LCMT1: variants seen among roughly 807,000 people sequenced by gnomAD.
The protein encoded by LCMT1 is [Phosphatase 2A protein]-leucine-carboxy methyltransferase 1.
In LCMT1, 32 loss-of-function variants were observed where a neutral mutation model predicts 47.7. The observed-to-expected ratio is 0.67, with a 90% CI of 0.51 to 0.90. The LOEUF (loss-of-function observed/expected upper bound fraction) is 0.90. Among genes scored for constraint, LCMT1 ranks in the 40% least tolerant of loss-of-function variants. LCMT1 has a pLI of 0.00. For missense variants in LCMT1, 375 were observed against 415.2 expected (o/e 0.90, Z 0.84); for synonymous variants, 152 against 149.7 (o/e 1.02, Z -0.11).
At chr16:25,174,029 A>G (rs967689648) in intron 9 of LCMT1, among the ~76,000 whole-genome samples, 2 of 152,180 alleles carry the variant, frequency 1.3e-5, no homozygotes, top group African/African-American at 4.8e-5. Context: ...CTCCTGCCTC[A>G]GCCTCCCAAA....
intron 1 of LCMT1, among the ~76,000 whole-genome samples, chr16:25,119,759 C>T (rs547991422): frequency 7.5e-4 from 114 of 152,146 alleles, no homozygotes; most frequent in Middle Eastern, 3.4e-3. Context: ...AGAGTAAGGT[C>T]GAGATTGTGA....
In LCMT1 at chr16:25,170,794, T is replaced by C; in HGVS notation, c.873T>C (p.Ala291=). Residue 291 remains alanine (A), a synonymous_variant, in exon 9 of 11, where the codon GCT becomes GCC. Coordinates refer to ENST00000399069, the MANE Select transcript of LCMT1 (RefSeq NM_016309.3). The stretch of plus-strand genomic sequence containing the variant: ...AGTTGTACAACAGGTTACCTCGAGC[T>C]GAAGTGAGCAGGTATGGGGTTGGTG... The part of the protein sequence containing the change: ...MMELYNRLPR[A]EVSRIESLEF... 1.2e-6 allele frequency: 2 copies of C among 1,611,054 alleles called. No individual in the cohort carries two copies. Among genetic ancestry groups the C allele is most frequent in the Non-Finnish European group, 1.7e-6 (2 of 1,177,806 alleles).
At chr16:25,114,885 T>C (rs1201246000) in intron 1 of LCMT1, among the ~76,000 whole-genome samples, 2 of 152,182 alleles carry the variant, frequency 1.3e-5, no homozygotes, top group Non-Finnish European at 2.9e-5. Context: ...CTGATTGCTG[T>C]TGTTCAGCTC....
At chr16:25,164,480 A>T in intron 6 of LCMT1, 118 bp from the exon 7 acceptor site, 1 of 1,185,244 alleles carries the variant, frequency 8.4e-7, no homozygotes, top group Non-Finnish European at 1.2e-6. Context: ...GTGCTTGCTC[A>T]GGCCTTCTGA....
At chr16:25,160,731 A>G in intron 5 of LCMT1, 1 of 521,622 alleles carries the variant, frequency 1.9e-6, no homozygotes, top group Non-Finnish European at 3.8e-6. Context: ...AAATCATTAT[A>G]CAGAAGGATG....
At chr16:25,138,894 C>T (rs573182686) in intron 3 of LCMT1, among the ~76,000 whole-genome samples, 40 of 152,266 alleles carry the variant, frequency 2.6e-4, no homozygotes, top group African/African-American at 8.4e-4. Flanking sequence ...TTAATCTTCA[C>T]AACCCCATAA....
chr16:25,118,110 A>G (rs566226025), intron 1 of LCMT1, among the ~76,000 whole-genome samples: 1 of 152,214 alleles, frequency 6.6e-6, no homozygotes, highest in Admixed American at 6.5e-5. Flanking sequence ...CTGAAGCCAG[A>G]GGTTTGTAAA....
chr16:25,120,733 T>G (rs2141628853), intron 1 of LCMT1, among the ~76,000 whole-genome samples: 1 of 147,854 alleles, frequency 6.8e-6, no homozygotes, highest in Admixed American at 6.7e-5. Context: ...CTGGCCTTGT[T>G]TTTTTGTTTT....
chr16:25,123,852 GC>G (rs1454498384), intron 1 of LCMT1, among the ~76,000 whole-genome samples: 1 of 151,724 alleles, frequency 6.6e-6, no homozygotes, highest in Non-Finnish European at 1.5e-5. Flanking sequence ...CAGGTGATCC[GC>G]CCGCCTCGGC....
intron 4 of LCMT1, chr16:25,144,389 G>A (rs931370668): frequency 6.6e-6 from 1 of 152,222 alleles, no homozygotes; most frequent in East Asian, 1.9e-4. Flanking sequence ...TGCATGTCCT[G>A]CCTTTTGGGT....
chr16:25,175,381 TG>T (rs974092879), intron 10 of LCMT1, among the ~76,000 whole-genome samples: 7 of 151,144 alleles, frequency 4.6e-5, no homozygotes, highest in Non-Finnish European at 7.4e-5. Flanking sequence ...CCCAGCACTT[TG>T]GGAGGCTGAG....
intron 10 of LCMT1, 72 bp from the exon 11 acceptor site, chr16:25,177,928 TG>T: frequency 1.5e-6 from 2 of 1,365,064 alleles, no homozygotes; most frequent in Non-Finnish European, 2.1e-6. Context: ...AGCCGGTCAC[TG>T]GGGGTCCTCT....
At chr16:25,130,279 G>A (rs1315843425) in intron 2 of LCMT1, among the ~76,000 whole-genome samples, 2 of 148,538 alleles carry the variant, frequency 1.3e-5, no homozygotes, top group Admixed American at 1.4e-4. Context: ...GGCAGAGCTT[G>A]CAGTGAGCCG....
intron 7 of LCMT1, 109 bp downstream of exon 7, chr16:25,164,827 C>A: frequency 7.1e-7 from 1 of 1,414,452 alleles, no homozygotes; most frequent in Non-Finnish European, 9.9e-7. Flanking sequence ...CTGCCTCCAG[C>A]CTCTCACATA....
intron 5 of LCMT1, among the ~76,000 whole-genome samples, chr16:25,159,831 A>G (rs1256091245): frequency 6.6e-6 from 1 of 152,104 alleles, no homozygotes; most frequent in African/African-American, 2.4e-5. Context: ...AATTATTAGC[A>G]GTAGTATGGG....
At chr16:25,146,820 C>A (rs1960872266) in intron 4 of LCMT1, 2 of 152,200 alleles carry the variant, frequency 1.3e-5, no homozygotes, top group Admixed American at 1.3e-4. Flanking sequence ...CTACTGGGAT[C>A]TCCTTCTTTC....
At chr16:25,128,708 G>A (rs1960262877) in intron 2 of LCMT1, 142 bp downstream of exon 2, 1 of 651,058 alleles carries the variant, frequency 1.5e-6, no homozygotes, top group Non-Finnish European at 2.7e-6. Context: ...CCAACACGGT[G>A]TGTTATAAAC....
At chr16:25,162,928 TG>T (rs1300559193) in intron 6 of LCMT1, among the ~76,000 whole-genome samples, 4 of 152,184 alleles carry the variant, frequency 2.6e-5, no homozygotes, top group Admixed American at 1.3e-4. Flanking sequence ...TGGAGTGCAG[TG>T]GCGTGATCTG....
chr16:25,171,538 G>C (rs80278326), intron 9 of LCMT1, among the ~76,000 whole-genome samples: 1 of 152,182 alleles, frequency 6.6e-6, no homozygotes, highest in African/African-American at 2.4e-5. Flanking sequence ...AGCTGAGATA[G>C]GGCTTATGCC....
Sources: allele counts gnomAD v4.1 joint callset (sites outside exome capture counted in the v4.1 genomes callset), GRCh38; gene constraint gnomAD v4.1.1; transcripts MANE v1.5; gene names NCBI Gene and HGNC (gene_info 2026-07-23, HGNC 2026-07-21).